Variants in INTS15 observed in about 807,000 individuals in gnomAD.
The protein encoded by INTS15 is uncharacterized protein C7orf26.
the INTS15 span, chr7:6,608,098 G>GC: frequency 1.5e-6 from 2 of 1,311,244 alleles, no homozygotes; most frequent in Non-Finnish European, 2.0e-6. Context: ...ACCCCGCCCT[G>GC]CCCACGCATC....
chr7:6,602,054 G>A, the INTS15 span: 10 of 1,548,874 alleles, frequency 6.5e-6, no homozygotes, highest in East Asian at 2.2e-5. Flanking sequence ...GTATTTCACC[G>A]TGTTGTCTCC....
chr7:6,608,474 C>T, the INTS15 span: 23 of 1,248,370 alleles, frequency 1.8e-5, no homozygotes, highest in Non-Finnish European at 2.3e-5. Context: ...AGTGTGACGG[C>T]AGGAGCCACG....
chr7:6,596,624 C>T, the INTS15 span, among the ~76,000 whole-genome samples: 1 of 151,854 alleles, frequency 6.6e-6, no homozygotes, highest in South Asian at 2.1e-4. Flanking sequence ...GATGATCCAC[C>T]TGGCTCAGTC....
At chr7:6,590,159 G>T in the INTS15 span, 3 of 806,282 alleles carry the variant, frequency 3.7e-6, no homozygotes, top group East Asian at 7.0e-5. Context: ...CGGCAGGCGG[G>T]CAAGCGGGCG....
chr7:6,597,434 A>G, the INTS15 span, among the ~76,000 whole-genome samples: 5 of 152,040 alleles, frequency 3.3e-5, no homozygotes, highest in Non-Finnish European at 5.9e-5. Context: ...AGCTGGGGCT[A>G]TAGGCATGCG....
At chr7:6,596,620 C>A in the INTS15 span, among the ~76,000 whole-genome samples, 1 of 151,750 alleles carries the variant, frequency 6.6e-6, no homozygotes, top group Non-Finnish European at 1.5e-5. Flanking sequence ...CTCAGATGAT[C>A]CACCTGGCTC....
the INTS15 span, chr7:6,607,751 C>T: frequency 3.4e-6 from 5 of 1,489,816 alleles, no homozygotes; most frequent in African/African-American, 4.2e-5. The surrounding 1 kb of genome is among the most constrained non-coding windows in gnomAD (Gnocchi z 6.0). Context: ...GCCACAGGCC[C>T]CGTGCAGAGC....
chr7:6,593,392 G>A, the INTS15 span, among the ~76,000 whole-genome samples: 3 of 149,350 alleles, frequency 2.0e-5, no homozygotes, highest in African/African-American at 5.0e-5. Context: ...GTGCAGTGGC[G>A]CGATCTCGGC....
the INTS15 span, chr7:6,599,755 G>T: frequency 6.8e-7 from 1 of 1,472,334 alleles, no homozygotes. Flanking sequence ...TTGGGGTCAG[G>T]CTTCCCTCTC....
At chr7:6,600,776 G>C in the INTS15 span, among the ~76,000 whole-genome samples, 2 of 152,060 alleles carry the variant, frequency 1.3e-5, no homozygotes, top group African/African-American at 4.8e-5. Context: ...TCGTGCATCA[G>C]CCTCCCGAAG....
the INTS15 span, among the ~76,000 whole-genome samples, chr7:6,598,900 C>A: frequency 6.6e-6 from 1 of 151,872 alleles, no homozygotes. Context: ...GATCCTCCTA[C>A]CTCAGCCTCC....
chr7:6,598,465 T>C, the INTS15 span, among the ~76,000 whole-genome samples: 2 of 55,902 alleles, frequency 3.6e-5, no homozygotes, highest in Non-Finnish European at 3.5e-5. Flanking sequence ...TGGGACTCCA[T>C]CTCAAAAAAA....
chr7:6,602,245 G>C, the INTS15 span: 3 of 857,706 alleles, frequency 3.5e-6, no homozygotes, highest in Admixed American at 7.5e-5. Flanking sequence ...GGAGAGCCCA[G>C]TAAGCACATG....
the INTS15 span, chr7:6,607,830 C>T: frequency 9.9e-6 from 15 of 1,509,018 alleles, no homozygotes; most frequent in African/African-American, 2.8e-5. The surrounding 1 kb of genome is among the most constrained non-coding windows in gnomAD (Gnocchi z 6.0). Context: ...ACCGCCTGGA[C>T]CCCCGGGTGG....
chr7:6,600,593 A>G, the INTS15 span, among the ~76,000 whole-genome samples: 1 of 151,186 alleles, frequency 6.6e-6, no homozygotes, highest in Non-Finnish European at 1.5e-5. Flanking sequence ...AGGACTGGGG[A>G]CTCCTTGAGA....
the INTS15 span, among the ~76,000 whole-genome samples, chr7:6,603,143 G>A: frequency 1.8e-4 from 27 of 152,048 alleles, no homozygotes; most frequent in South Asian, 5.2e-3. Flanking sequence ...CCGGCTACTC[G>A]GGCGGCTGAG....
chr7:6,592,775 G>C, the INTS15 span, among the ~76,000 whole-genome samples: 1 of 151,418 alleles, frequency 6.6e-6, no homozygotes, highest in African/African-American at 2.4e-5. Context: ...TGCCTGGTTA[G>C]TTTTTGTATT....
chr7:6,607,920 C>G, the INTS15 span: 4 of 1,594,160 alleles, frequency 2.5e-6, no homozygotes, highest in Non-Finnish European at 3.4e-6. The surrounding 1 kb of genome is among the most constrained non-coding windows in gnomAD (Gnocchi z 6.0). Context: ...GCGGAGTCCC[C>G]GGAGCCCGCC....
the INTS15 span, among the ~76,000 whole-genome samples, chr7:6,601,172 T>C: frequency 6.6e-6 from 1 of 152,180 alleles, no homozygotes; most frequent in African/African-American, 2.4e-5. Context: ...GGTCTCACCA[T>C]CTTGTCCAGG....
Sources: gnomAD v4.1 joint callset for allele counts (sites outside exome capture counted in the v4.1 genomes callset) on GRCh38, gnomAD v4.1.1 for gene constraint, Gnocchi (gnomAD v3.1) non-coding constraint, MANE v1.5 for transcripts, NCBI Gene and HGNC (gene_info 2026-07-23, HGNC 2026-07-21) for gene names.